YLPM1: variants seen among roughly 807,000 people sequenced by gnomAD.
YLPM1 encodes the protein YLP motif-containing protein 1.
A neutral mutation model predicts 230.0 loss-of-function variants in YLPM1; 99 were observed. The observed-to-expected ratio is 0.43, with a 90% confidence interval of 0.37 to 0.51. The LOEUF is 0.51. Ranked by LOEUF, YLPM1 falls within the 20% of genes least tolerant of loss-of-function variation. The probability of loss-of-function intolerance (pLI) is 0.00; values close to 1 mark genes in which losing one functional copy is unlikely to be tolerated. For synonymous variants in YLPM1, 984 were observed against 942.5 expected, an observed-to-expected ratio of 1.04 and a Z score of -0.81; for missense variants, 2,592 against 2,707.7, an observed-to-expected ratio of 0.96 and a Z score of 0.95.
At chr14:74,821,334 A>G (rs1412224650) in intron 17 of YLPM1, 197 bp downstream of exon 17, 3 of 760,534 alleles carry the variant, frequency 3.9e-6, no homozygotes, top group Non-Finnish European at 5.7e-6. Flanking sequence ...TGTGGTGTTA[A>G]GAGAAAGTTT....
Position 74,763,371 on chromosome 14 carries a change from C to T in YLPM1, c.-119C>T. 4 of 1,256,178 alleles carry T rather than the reference C, an allele frequency of 3.2e-6. No homozygotes were observed. The highest frequency in any genetic ancestry group is 3.0e-5 in the East Asian group (1 of 33,214). 77.8% of individuals were successfully genotyped at this position (1,256,178 alleles called of 1,614,324 possible). On this transcript the variant is annotated 5_prime_UTR_variant, in exon 1 of 21. Coordinates refer to ENST00000325680, the MANE Select transcript of YLPM1 (RefSeq NM_019589.3). ...CCGGCGCACTGGCGCGCTCCGTTTACACGCTCCGGGGCCTGTAGGCGCCGC... is the reference window on the plus strand; with the variant it reads ...CCGGCGCACTGGCGCGCTCCGTTTATACGCTCCGGGGCCTGTAGGCGCCGC...
At chr14:74,815,799 C>A (rs1432571897) in intron 11 of YLPM1, among the ~76,000 whole-genome samples, 1 of 151,996 alleles carries the variant, frequency 6.6e-6, no homozygotes, top group Non-Finnish European at 1.5e-5. Flanking sequence ...CTATCAATTT[C>A]CTTTTAAGCA....
At chr14:74,815,688 C>T (rs547437732) in intron 11 of YLPM1, among the ~76,000 whole-genome samples, 19 of 151,138 alleles carry the variant, frequency 1.3e-4, no homozygotes, top group African/African-American at 4.6e-4. Context: ...TTGTTTCTTT[C>T]CTCTGTTTCT....
In YLPM1 at chr14:74,779,384, CT is replaced by C. The variant is rs57808456; in HGVS notation, c.1110+702del. Among the ~76,000 whole-genome samples, 4,822 of 152,156 alleles carry C rather than the reference CT, an allele frequency of 0.032. 698 individuals carry two copies. The East Asian group carries it at 0.47, about 15-fold the overall frequency. ...AACCATTCTGTGCTTCAATTTACTC[CT>C]CTGCAAAATGGGTATATTCAATAGT... On this transcript the variant is annotated intron_variant, in intron 2 of 20. Transcript: ENST00000325680.
At chr14:74,822,236 T>G (rs1382646041) in intron 17 of YLPM1, 1 of 152,198 alleles carries the variant, frequency 6.6e-6, no homozygotes, top group African/African-American at 2.4e-5. Flanking sequence ...TTCTGGAATA[T>G]GGCTAATGAC....
chr14:74,835,875 AG>A lies in YLPM1; in HGVS notation c.*138del. 2.2e-6 allele frequency: 1 copy of A among 456,120 alleles called. No individual in the cohort carries two copies. Among genetic ancestry groups the A allele is most frequent in the South Asian group, 1.5e-5 (1 of 64,536 alleles). The allele number at this position is 456,120 out of a possible 1,614,324, so 28.3% of individuals were successfully genotyped here. On this transcript the variant is annotated 3_prime_UTR_variant, in exon 21 of 21. Transcript: ENST00000325680. Reference sequence around the variant, plus strand: ...GTTCTTGTTTTGTTTCTACTGCTTTAGTTTTTTTTAAAGTTCTCCAGTGTCC... The same window carrying A: ...GTTCTTGTTTTGTTTCTACTGCTTTATTTTTTTTAAAGTTCTCCAGTGTCC...
chr14:74,798,009 C>G lies in YLPM1; in HGVS notation c.2712C>G (p.Asp904Glu). ...CTCAGTCAAATGAGAATCTAAGCGA[C>G]TCTCAACAAGAGCCACCTAAAAGTG... The part of the protein sequence containing the change: ...KAAQSNENLS[D>E]SQQEPPKSEV... Residue 904 changes from aspartate to glutamate, a missense_variant, in exon 5 of 21, where the codon GAC becomes GAG. Coordinates refer to ENST00000325680, the MANE Select transcript of YLPM1 (RefSeq NM_019589.3). 1.9e-6 allele frequency: 3 copies of G among 1,613,696 alleles called. No individual in the cohort carries two copies. Among genetic ancestry groups the G allele is most frequent in the Non-Finnish European group, 2.5e-6 (3 of 1,179,748 alleles).
chr14:74,784,551 T>G (rs930449822), intron 4 of YLPM1, among the ~76,000 whole-genome samples: 1 of 152,252 alleles, frequency 6.6e-6, no homozygotes, highest in South Asian at 2.1e-4. Context: ...TGACCCACTT[T>G]AAGTCCATTG....
At chr14:74,796,476 C>G (rs2091262401) in intron 4 of YLPM1, among the ~76,000 whole-genome samples, 1 of 152,220 alleles carries the variant, frequency 6.6e-6, no homozygotes, top group Non-Finnish European at 1.5e-5. Context: ...ACATAAGCCT[C>G]TCCAATTCTG....
intron 4 of YLPM1, among the ~76,000 whole-genome samples, chr14:74,784,722 A>G (rs112427378): frequency 5.9e-5 from 9 of 152,392 alleles, no homozygotes; most frequent in Non-Finnish European, 1.0e-4. Flanking sequence ...GGAGCAACAC[A>G]GAATGAATTA....
At chr14:74,804,109 A>G (rs1299463931) in intron 6 of YLPM1, among the ~76,000 whole-genome samples, 2 of 152,202 alleles carry the variant, frequency 1.3e-5, no homozygotes, top group African/African-American at 2.4e-5. Context: ...GTGAGCCGAC[A>G]TCGCGCCATT....
At chr14:74,782,686 A>G (rs1417413271) in intron 4 of YLPM1, among the ~76,000 whole-genome samples, 2 of 152,146 alleles carry the variant, frequency 1.3e-5, no homozygotes, top group African/African-American at 4.8e-5. Context: ...ACTATTTGTT[A>G]GATAATTTGT....
chr14:74,819,863 G>A (rs1171919199), intron 16 of YLPM1, among the ~76,000 whole-genome samples: 1 of 152,028 alleles, frequency 6.6e-6, no homozygotes, highest in African/African-American at 2.4e-5. Flanking sequence ...GGCTTCTCCT[G>A]CTTCTCACTC....
At chr14:74,827,160 T>C (rs1206978358) in intron 18 of YLPM1, among the ~76,000 whole-genome samples, 2 of 152,344 alleles carry the variant, frequency 1.3e-5, no homozygotes, top group Middle Eastern at 3.4e-3. Flanking sequence ...TTTTCTGTTG[T>C]GCTATAATAC....
In YLPM1 at chr14:74,809,953, A is replaced by G. The variant is rs1401396077; in HGVS notation, c.4983A>G (p.Arg1661=). The change falls in exon 8 of 21, where the codon AGA becomes AGG. Residue 1661 remains arginine (R), a synonymous_variant. Transcript: ENST00000325680. ...NKVEQIPYGE[R]ITLRPDPLPE... ...TTGAACAGATACCTTATGGAGAAAGAATAACTCTACGCCCAGATCCACTAC... is the reference window on the plus strand; with the variant it reads ...TTGAACAGATACCTTATGGAGAAAGGATAACTCTACGCCCAGATCCACTAC... 6.2e-7 allele frequency: 1 copy of G among 1,610,308 alleles called. No homozygotes were observed. The highest frequency in any genetic ancestry group is 8.5e-7 in the Non-Finnish European group (1 of 1,177,994).
At chr14:74,834,432 A>C (rs2091629112) in intron 19 of YLPM1, among the ~76,000 whole-genome samples, 1 of 152,128 alleles carries the variant, frequency 6.6e-6, no homozygotes, top group Admixed American at 6.6e-5. Flanking sequence ...AGATAAATAA[A>C]ATTCAGTTAT....
At chr14:74,829,162 G>A in intron 18 of YLPM1, 51 bp from the exon 19 acceptor site, 1 of 1,606,454 alleles carries the variant, frequency 6.2e-7, no homozygotes, top group Non-Finnish European at 8.5e-7. Flanking sequence ...TGTGTGTCGT[G>A]TGCAAACTCA....
chr14:74,772,655 C>G (rs1488304494), intron 1 of YLPM1, among the ~76,000 whole-genome samples: 1 of 152,150 alleles, frequency 6.6e-6, no homozygotes, highest in Non-Finnish European at 1.5e-5. Flanking sequence ...CCGCACCCAG[C>G]CAATAGTTCT....
chr14:74,784,599 CA>C (rs2091128726), intron 4 of YLPM1, among the ~76,000 whole-genome samples: 1 of 152,190 alleles, frequency 6.6e-6, no homozygotes, highest in African/African-American at 2.4e-5. Context: ...TTAACATTGG[CA>C]TTGTGATTAG....
Sources: allele counts gnomAD v4.1 joint callset (sites outside exome capture counted in the v4.1 genomes callset), GRCh38; gene constraint gnomAD v4.1.1; transcripts MANE v1.5; gene names NCBI Gene and HGNC (gene_info 2026-07-23, HGNC 2026-07-21).